The following TCF7L2 variants were observed in gnomAD, a reference collection of about 807,000 sequenced individuals.
TCF7L2 encodes transcription factor 7-like 2.
A neutral mutation model predicts 77.9 loss-of-function variants in TCF7L2; 23 were observed. The observed-to-expected ratio is 0.30, with a 90% confidence interval of 0.21 to 0.42. TCF7L2 has a LOEUF of 0.42. Ranked by LOEUF, TCF7L2 falls within the 10% of genes least tolerant of loss-of-function variation. The pLI, the probability that TCF7L2 is intolerant of heterozygous loss-of-function variation, is 1.00. For synonymous variants in TCF7L2, 413 were observed against 340.2 expected, an observed-to-expected ratio of 1.21 and a Z score of -2.36; for missense variants, 654 against 793.1, an observed-to-expected ratio of 0.82 and a Z score of 2.11.
intron 3 of TCF7L2, among the ~76,000 whole-genome samples, chr10:112,963,848 A>T (rs1051257083): frequency 6.6e-6 from 1 of 152,064 alleles, no homozygotes; most frequent in Admixed American, 6.5e-5. Flanking sequence ...ACTTACATTC[A>T]CTCAGTTGCC....
chr10:113,138,591 T>G (rs2067799093), intron 5 of TCF7L2, among the ~76,000 whole-genome samples: 2 of 152,162 alleles, frequency 1.3e-5, no homozygotes, highest in Admixed American at 1.3e-4. Context: ...TCTGGACAGC[T>G]TCTTCCTAAC....
intron 7 of TCF7L2, among the ~76,000 whole-genome samples, chr10:113,145,311 C>T (rs1326798672): frequency 1.3e-5 from 2 of 152,026 alleles, no homozygotes; most frequent in Non-Finnish European, 2.9e-5. Flanking sequence ...TTGCCCCATT[C>T]GGCTGATGGG....
intron 5 of TCF7L2, among the ~76,000 whole-genome samples, chr10:113,134,185 G>A (rs563046830): frequency 6.6e-6 from 1 of 152,350 alleles, no homozygotes; most frequent in South Asian, 2.1e-4. Context: ...GAAGACCCCG[G>A]CCACGGTGAT....
rs1014819191 is a variant in TCF7L2 at position 113,143,812 on chromosome 10, A to G, written c.686-111A>G. ...TATAATCATGAATGAACCTTGTGCT[A>G]GGATTCCAGAAGAGATGCGTCTCTT... On this transcript the variant is annotated intron_variant, in intron 6 of 13. Coordinates refer to ENST00000627217, the MANE Select transcript of TCF7L2 (RefSeq NM_001146274.2). 4 of 713,884 alleles carry G rather than the reference A, an allele frequency of 5.6e-6. No individual in the cohort carries two copies. In the Admixed American group the frequency reaches 8.4e-5, roughly 15 times the overall value. 44.2% of individuals were successfully genotyped at this position (713,884 alleles called of 1,614,324 possible). A position where few individuals can be genotyped will look rare whatever the true frequency, so the allele number is the denominator to read the frequency against.
At chr10:112,972,132 A>G (rs1010360835) in intron 4 of TCF7L2, among the ~76,000 whole-genome samples, 2 of 152,070 alleles carry the variant, frequency 1.3e-5, no homozygotes, top group East Asian at 3.9e-4. Flanking sequence ...AAACCAATCA[A>G]TTGATCATTT....
chr10:113,087,496 G>C (rs1207447309), intron 5 of TCF7L2, among the ~76,000 whole-genome samples: 1 of 152,218 alleles, frequency 6.6e-6, no homozygotes, highest in Non-Finnish European at 1.5e-5. Flanking sequence ...GGACTGAATA[G>C]GATAGCCTTA....
At chr10:113,026,218 C>G (rs1017681808) in intron 4 of TCF7L2, among the ~76,000 whole-genome samples, 1 of 151,684 alleles carries the variant, frequency 6.6e-6, no homozygotes, top group African/African-American at 2.4e-5. Context: ...GTGGCACAGT[C>G]TCGGCTCACT....
rs1437259258 is a variant in TCF7L2, at chr10:113,166,328, A to G, written c.*356A>G. The G allele has an allele frequency of 2.5e-5, 6 of 239,374 alleles. No homozygotes were observed. Among genetic ancestry groups the G allele is most frequent in the Non-Finnish European group, 4.1e-5 (5 of 123,022 alleles). 14.8% of individuals were successfully genotyped at this position (239,374 alleles called of 1,614,324 possible). ...AAAAAACAAAAAGAAAAAAAAAGCA[A>G]TTTTGAAGCAGCCCTCCAGAAGGAG... On this transcript the variant is annotated 3_prime_UTR_variant, in exon 14 of 14. Transcript: ENST00000627217.
intron 4 of TCF7L2, among the ~76,000 whole-genome samples, chr10:113,029,965 C>T (rs1442762463): frequency 1.3e-5 from 2 of 152,098 alleles, no homozygotes; most frequent in African/African-American, 4.8e-5. Context: ...GTGTACAGTT[C>T]AGTGGTTTTT....
chr10:113,065,331 A>G (rs1482588614), intron 5 of TCF7L2, among the ~76,000 whole-genome samples: 1 of 152,258 alleles, frequency 6.6e-6, no homozygotes, highest in Admixed American at 6.5e-5. Context: ...TCAAGGGCAG[A>G]GACCAGAAGA....
At chr10:113,051,025 C>T (rs117070049) in intron 5 of TCF7L2, among the ~76,000 whole-genome samples, 1,544 of 151,724 alleles carry the variant, frequency 0.01, 16 homozygotes, top group South Asian at 0.027. Context: ...AATGGCATTT[C>T]CTATCTCCAC....
At chr10:113,065,245 A>G (rs2057096815) in intron 5 of TCF7L2, among the ~76,000 whole-genome samples, 1 of 152,230 alleles carries the variant, frequency 6.6e-6, no homozygotes, top group Non-Finnish European at 1.5e-5. Flanking sequence ...AATAGGCAAA[A>G]GGCCTGTTTT....
intron 4 of TCF7L2, among the ~76,000 whole-genome samples, chr10:112,996,152 G>T (rs1410322346): frequency 6.6e-6 from 1 of 152,134 alleles, no homozygotes; most frequent in Non-Finnish European, 1.5e-5. Context: ...TGCAGCCTAG[G>T]TTAGTATTCT....
chr10:113,078,841 T>A (rs1245378814), intron 5 of TCF7L2, among the ~76,000 whole-genome samples: 1 of 151,960 alleles, frequency 6.6e-6, no homozygotes, highest in Non-Finnish European at 1.5e-5. Context: ...TTTTTGTTTT[T>A]TTTTTTTCTG....
chr10:112,986,021 G>A (rs759450408), intron 4 of TCF7L2, among the ~76,000 whole-genome samples: 3 of 151,942 alleles, frequency 2.0e-5, no homozygotes, highest in Non-Finnish European at 2.9e-5. Flanking sequence ...CAAAGACGAG[G>A]GAGTAAAGAA....
intron 4 of TCF7L2, among the ~76,000 whole-genome samples, chr10:113,037,630 T>G (rs141178997): frequency 6.6e-6 from 1 of 152,312 alleles, no homozygotes; most frequent in African/African-American, 2.4e-5. Context: ...ATGTTAATAT[T>G]GTATTATGAG....
At chr10:113,091,032 G>T (rs1388751624) in intron 5 of TCF7L2, among the ~76,000 whole-genome samples, 1 of 152,124 alleles carries the variant, frequency 6.6e-6, no homozygotes, top group African/African-American at 2.4e-5. Context: ...CTCCCGAGTA[G>T]CTGGGATTAC....
intron 5 of TCF7L2, among the ~76,000 whole-genome samples, chr10:113,097,198 GC>G (rs965252690): frequency 6.6e-6 from 1 of 152,164 alleles, no homozygotes; most frequent in Non-Finnish European, 1.5e-5. Flanking sequence ...CTTGTGGTTC[GC>G]CAGGGGCCAG....
At chr10:113,128,977 G>A (rs1395471242) in intron 5 of TCF7L2, among the ~76,000 whole-genome samples, 1 of 151,998 alleles carries the variant, frequency 6.6e-6, no homozygotes, top group Non-Finnish European at 1.5e-5. Context: ...CTGTGTTCCT[G>A]GGGAAAGCTC....
Sources: allele counts gnomAD v4.1 joint callset (sites outside exome capture counted in the v4.1 genomes callset), GRCh38; gene constraint gnomAD v4.1.1; transcripts MANE v1.5; gene names NCBI Gene and HGNC (gene_info 2026-07-23, HGNC 2026-07-21).